The following SPTB variants were observed in gnomAD, a reference collection of about 807,000 sequenced individuals.
The protein encoded by SPTB is spectrin beta, erythrocytic.
A neutral mutation model predicts 256.2 loss-of-function variants in SPTB; 45 were observed. The observed-to-expected ratio is 0.18, with a 90% CI of 0.14 to 0.23. The LOEUF (loss-of-function observed/expected upper bound fraction) is 0.23. Ranked by LOEUF, SPTB falls within the 10% of genes least tolerant of loss-of-function variation. The pLI is 1.00. For synonymous variants in SPTB, 1,231 were observed against 1,243.1 expected (o/e 0.99, Z 0.21); for missense variants, 2,715 against 3,040.4 (o/e 0.89, Z 2.52).
intron 1 of SPTB, among the ~76,000 whole-genome samples, chr14:64,862,891 C>T (rs1283288554): frequency 2.0e-5 from 3 of 151,936 alleles, no homozygotes; most frequent in Admixed American, 6.6e-5. Flanking sequence ...AACCACACCC[C>T]ATGATATTTA....
chr14:64,763,767 A>G, intron 32 of SPTB: 1 of 519,004 alleles, frequency 1.9e-6, no homozygotes, highest in Admixed American at 1.9e-5. Context: ...ACCTGTATGA[A>G]CGGATTGGCC....
intron 28 of SPTB, among the ~76,000 whole-genome samples, chr14:64,769,381 G>A (rs928413758): frequency 1.3e-5 from 2 of 152,178 alleles, no homozygotes; most frequent in Non-Finnish European, 2.9e-5. Flanking sequence ...GCTGCTCTCC[G>A]TTACTGAGTG....
Position 64,751,084 on chromosome 14 carries a change from TTA to T in SPTB, c.6603-932_6603-931del, listed in dbSNP as rs1361744538. ...ATATAACATTTATAGTATATAACATTTATATATTATACATAATATATATAATA... is the reference window on the plus strand; with the variant it reads ...ATATAACATTTATAGTATATAACATTTATATTATACATAATATATATAATA... On this transcript the variant is annotated intron_variant, in intron 33 of 35. Transcript: ENST00000644917. 2.5e-5 allele frequency among the ~76,000 whole-genome samples: 3 copies of T among 119,600 alleles called. No homozygotes were observed. The East Asian group carries it at 6.1e-4, about 24-fold the overall frequency. 78.5% of individuals were successfully genotyped at this position (119,600 alleles called of 152,430 possible).
intron 1 of SPTB, among the ~76,000 whole-genome samples, chr14:64,874,166 T>C (rs1419886861): frequency 6.6e-6 from 1 of 152,216 alleles, no homozygotes; most frequent in Non-Finnish European, 1.5e-5. Flanking sequence ...AACCTAATCA[T>C]GCTTTATTGT....
At chr14:64,788,061 A>C (rs1406188534) in intron 15 of SPTB, among the ~76,000 whole-genome samples, 2 of 152,236 alleles carry the variant, frequency 1.3e-5, no homozygotes, top group Non-Finnish European at 2.9e-5. Flanking sequence ...TGATTTAGAG[A>C]AATATTCAGA....
At position 64,802,189 on chromosome 14, in the gene SPTB, G is replaced by A. The variant is rs146790489; in HGVS notation, c.566+37C>T. The A allele has an allele frequency of 2.6e-4, 409 of 1,589,710 alleles. No homozygotes were observed. In the African/African-American group the frequency reaches 4.5e-3, roughly 18 times the overall value. On this transcript the variant is annotated intron_variant, in intron 5 of 35. Coordinates refer to ENST00000644917, the MANE Select transcript of SPTB (RefSeq NM_001355436.2). The surrounding 1 kb of genome is among the most constrained non-coding windows in gnomAD (Gnocchi z 5.1). ...AGTGCTTGTGCGGAGCAAGGGGCTG[G>A]TGGTGGATGTGCTAACAGCTGGTTC...
chr14:64,803,595 C>A lies in SPTB; in HGVS notation c.474+12G>T. 4 of 1,614,042 alleles carry A rather than the reference C, an allele frequency of 2.5e-6. No homozygotes were observed. The highest frequency in any genetic ancestry group is 3.4e-6 in the Non-Finnish European group (4 of 1,180,022). ...GGGCTCCCTCGACTTCCTCTACCCC[C>A]CAGGAACCCACCTGGAAGCGGAGGA... On this transcript the variant is annotated intron_variant, in intron 4 of 35. Transcript: ENST00000644917.
At chr14:64,864,635 A>C (rs1882053207) in intron 1 of SPTB, among the ~76,000 whole-genome samples, 1 of 152,194 alleles carries the variant, frequency 6.6e-6, no homozygotes, top group Non-Finnish European at 1.5e-5. Context: ...ATATGTCTAC[A>C]TGTGCCTGGA....
intron 2 of SPTB, among the ~76,000 whole-genome samples, chr14:64,820,088 C>A (rs2083262182): frequency 6.6e-6 from 1 of 152,180 alleles, no homozygotes; most frequent in Admixed American, 6.5e-5. Flanking sequence ...CCAGTCTCCC[C>A]AACCTTGCCA....
intron 1 of SPTB, among the ~76,000 whole-genome samples, chr14:64,842,375 A>T (rs1396051938): frequency 6.6e-6 from 1 of 152,208 alleles, no homozygotes; most frequent in Non-Finnish European, 1.5e-5. Flanking sequence ...TAGTAGACTA[A>T]GGTAACTTTG....
At chr14:64,805,292 AAGG>A (rs2082963175) in intron 2 of SPTB, among the ~76,000 whole-genome samples, 1 of 152,138 alleles carries the variant, frequency 6.6e-6, no homozygotes, top group South Asian at 2.1e-4. Flanking sequence ...CAGAGGCAAT[AAGG>A]AGATCACTCG....
chr14:64,802,328 C>T lies in SPTB; in HGVS notation c.475-11G>A. Reference sequence around the variant, plus strand: ...CACAATGTCCTGAATCTGAGGGTAGCAGAACAAGAGAGATTTGAAGAGGAT... The same window carrying T: ...CACAATGTCCTGAATCTGAGGGTAGTAGAACAAGAGAGATTTGAAGAGGAT... On this transcript the variant is annotated splice_polypyrimidine_tract_variant and intron_variant, in intron 4 of 35. Coordinates refer to ENST00000644917, the MANE Select transcript of SPTB (RefSeq NM_001355436.2). This position sits in a 1 kb window ranked among gnomAD's most constrained non-coding sequence, Gnocchi z 5.1. The T allele has an allele frequency of 6.2e-7, 1 of 1,613,692 alleles. No homozygotes were observed. Among genetic ancestry groups the T allele is most frequent in the South Asian group, 1.1e-5 (1 of 91,032 alleles).
At chr14:64,812,955 G>T (rs959273047) in intron 2 of SPTB, among the ~76,000 whole-genome samples, 1 of 152,070 alleles carries the variant, frequency 6.6e-6, no homozygotes, top group East Asian at 1.9e-4. Context: ...AAAAACAAGG[G>T]ATGATTTAAT....
chr14:64,773,272 T>C lies in SPTB; in HGVS notation c.5126A>G (p.Lys1709Arg). 1.3e-5 allele frequency: 21 copies of C among 1,614,208 alleles called. No individual in the cohort carries two copies. Among genetic ancestry groups the C allele is most frequent in the Non-Finnish European group, 1.8e-5 (21 of 1,180,040 alleles). ...TTCCGGGGAAGAGGCCACTAGCTCC[T>C]TTTCTGAAATCCACTGCTCCAGGTC... ...TDDLEQWISE[K>R]ELVASSPEMG... Residue 1709 changes from lysine (K) to arginine (R), a missense_variant, in exon 25 of 36, where the codon AAG (lysine) becomes AGG (arginine). Physicochemically the swap from Lys to Arg is conservative, Grantham distance 26 (BLOSUM62 2). Coordinates refer to ENST00000644917, the MANE Select transcript of SPTB (RefSeq NM_001355436.2).
intron 2 of SPTB, among the ~76,000 whole-genome samples, chr14:64,805,723 C>G (rs1052181034): frequency 6.6e-6 from 1 of 152,216 alleles, no homozygotes; most frequent in Non-Finnish European, 1.5e-5. Flanking sequence ...AACATTGATT[C>G]TGTTCCTATT....
At chr14:64,751,946 T>TAAAAAAAAAAAAAAAAAAAAAA (rs1566731898) in intron 33 of SPTB, among the ~76,000 whole-genome samples, 19 of 90,476 alleles carry the variant, frequency 2.1e-4, no homozygotes, top group Middle Eastern at 4.7e-3. Context: ...AAAAAAAAAT[T>TAAAAAAAAAAAAAAAAAAAAAA]AGCCAGGCGT....
rs767289762 is a variant in SPTB at position 64,787,112 on chromosome 14, G to C, written c.2853C>G (p.Asp951Glu). 1 of 1,606,774 alleles carries C rather than the reference G, an allele frequency of 6.2e-7. No homozygotes were observed. Among genetic ancestry groups the C allele is most frequent in the South Asian group, 1.1e-5 (1 of 91,060 alleles). ...TLVSERREAV[D>E]SALRVHNYCV... ...AGTAGTTGTGCACTCGGAGGGCTGAGTCCACAGCCTCCCGCCGCTCCGACA... is the reference window on the plus strand; with the variant it reads ...AGTAGTTGTGCACTCGGAGGGCTGACTCCACAGCCTCCCGCCGCTCCGACA... Residue 951 changes from aspartate to glutamate, a missense_variant, in exon 16 of 36, where the codon GAC becomes GAG. Around this residue, in one of 4 missense-constraint regions of SPTB, gnomAD observed 2,239 missense variants for 2,384.4 expected, o/e 0.94. Coordinates refer to ENST00000644917, the MANE Select transcript of SPTB (RefSeq NM_001355436.2).
chr14:64,832,588 G>A (rs1334367988), intron 1 of SPTB, among the ~76,000 whole-genome samples: 1 of 152,076 alleles, frequency 6.6e-6, no homozygotes, highest in Non-Finnish European at 1.5e-5. Flanking sequence ...AACCCATCGT[G>A]TCCAACTGCC....
Position 64,779,119 on chromosome 14 carries a change from AGGGGTGGGTGGGGCTGGTGAGGT to A in SPTB, c.4563+15_4563+37del. 7.6e-7 allele frequency: 1 copy of A among 1,311,408 alleles called. No individual in the cohort carries two copies. The highest frequency in any genetic ancestry group is 1.0e-6 in the Non-Finnish European group (1 of 989,296). 81.2% of individuals were successfully genotyped at this position (1,311,408 alleles called of 1,614,324 possible). The stretch of plus-strand genomic sequence containing the variant: ...CCCGTGGGGCCAGGTGGGGGTGAGG[AGGGGTGGGTGGGGCTGGTGAGGT>A]GACGCAGGACTCACCTGGTTCTTCT... On this transcript the variant is annotated intron_variant, in intron 22 of 35. Coordinates refer to ENST00000644917, the MANE Select transcript of SPTB (RefSeq NM_001355436.2). The surrounding 1 kb of genome is among the most constrained non-coding windows in gnomAD (Gnocchi z 4.2).
Sources: gnomAD v4.1 joint callset for allele counts (sites outside exome capture counted in the v4.1 genomes callset) on GRCh38, gnomAD v4.1.1 for gene constraint, gnomAD v4.1.1 regional missense constraint, Gnocchi (gnomAD v3.1) non-coding constraint, MANE v1.5 for transcripts, NCBI Gene and HGNC (gene_info 2026-07-23, HGNC 2026-07-21) for gene names.